LOC122539214: variants seen among roughly 807,000 people sequenced by gnomAD.
chr19:52,670,690 A>G, the LOC122539214 span, among the ~76,000 whole-genome samples: 11 of 152,208 alleles, frequency 7.2e-5, no homozygotes, highest in Non-Finnish European at 1.6e-4. Context: ...CATATGTCCA[A>G]GGTGATGGGG....
chr19:52,675,167 C>CTAA, the LOC122539214 span, among the ~76,000 whole-genome samples: 4 of 152,200 alleles, frequency 2.6e-5, no homozygotes, highest in Non-Finnish European at 2.9e-5. Context: ...TTGAAGCCAT[C>CTAA]TAATAGCATT....
chr19:52,666,912 G>C, the LOC122539214 span, among the ~76,000 whole-genome samples: 1 of 152,196 alleles, frequency 6.6e-6, no homozygotes, highest in African/African-American at 2.4e-5. Flanking sequence ...TGCAGAAGCA[G>C]AGTTAGGAAA....
At chr19:52,653,778 T>C in the LOC122539214 span, among the ~76,000 whole-genome samples, 1 of 152,236 alleles carries the variant, frequency 6.6e-6, no homozygotes, top group African/African-American at 2.4e-5. Flanking sequence ...ATGCAAGGTA[T>C]TGCTTTTGAT....
chr19:52,667,423 A>G, the LOC122539214 span, among the ~76,000 whole-genome samples: 3 of 152,158 alleles, frequency 2.0e-5, no homozygotes, highest in Non-Finnish European at 4.4e-5. Context: ...TATGCAAGAA[A>G]TGTCATATAA....
chr19:52,671,973 CT>C, the LOC122539214 span, among the ~76,000 whole-genome samples: 1 of 152,136 alleles, frequency 6.6e-6, no homozygotes, highest in Non-Finnish European at 1.5e-5. Context: ...TGACTCACAC[CT>C]GTAATCCCAG....
At chr19:52,685,568 G>A in the LOC122539214 span, among the ~76,000 whole-genome samples, 2 of 152,144 alleles carry the variant, frequency 1.3e-5, no homozygotes, top group African/African-American at 2.4e-5. Context: ...AAAGTCAGCT[G>A]TAGAACTAAG....
the LOC122539214 span, among the ~76,000 whole-genome samples, chr19:52,689,488 C>G: frequency 6.6e-6 from 1 of 152,122 alleles, no homozygotes; most frequent in Non-Finnish European, 1.5e-5. Flanking sequence ...GCTCTGTCTG[C>G]CCTGGCTCCA....
chr19:52,687,473 T>TA, the LOC122539214 span, among the ~76,000 whole-genome samples: 1 of 69,168 alleles, frequency 1.4e-5, no homozygotes, highest in Non-Finnish European at 2.7e-5. Context: ...ATAATTTATA[T>TA]ATCTATATAA....
chr19:52,665,361 C>A, the LOC122539214 span, among the ~76,000 whole-genome samples: 2 of 151,638 alleles, frequency 1.3e-5, no homozygotes, highest in Non-Finnish European at 2.9e-5. Flanking sequence ...CCAGCCTGGG[C>A]GACAAAGTAA....
At chr19:52,676,190 T>C in the LOC122539214 span, among the ~76,000 whole-genome samples, 205 of 152,282 alleles carry the variant, frequency 1.3e-3, no homozygotes, top group African/African-American at 2.5e-3. Context: ...GCTGTGTTGG[T>C]TGGGCTGGTC....
At chr19:52,655,725 G>C in the LOC122539214 span, 2 of 826,846 alleles carry the variant, frequency 2.4e-6, no homozygotes, top group Non-Finnish European at 4.1e-6. Flanking sequence ...ACATTAGGGA[G>C]GAGTCATTAC....
the LOC122539214 span, among the ~76,000 whole-genome samples, chr19:52,676,383 A>T: frequency 3.3e-5 from 5 of 152,172 alleles, no homozygotes. Flanking sequence ...CCGAGATTGC[A>T]GCCTCTGCCC....
At chr19:52,680,818 T>C in the LOC122539214 span, among the ~76,000 whole-genome samples, 1 of 149,864 alleles carries the variant, frequency 6.7e-6, no homozygotes, top group African/African-American at 2.5e-5. Context: ...TTCACCGTGT[T>C]AGCCAGGATG....
chr19:52,686,112 A>C, the LOC122539214 span, among the ~76,000 whole-genome samples: 5 of 152,306 alleles, frequency 3.3e-5, no homozygotes, highest in South Asian at 6.2e-4. Context: ...TTTGATGTTA[A>C]GGTAAAAGGT....
chr19:52,662,934 G>T, the LOC122539214 span, among the ~76,000 whole-genome samples: 9 of 152,102 alleles, frequency 5.9e-5, no homozygotes, highest in African/African-American at 1.9e-4. Flanking sequence ...AGGCTGACAG[G>T]GGTAGATCAC....
the LOC122539214 span, among the ~76,000 whole-genome samples, chr19:52,664,299 C>A: frequency 6.6e-6 from 1 of 151,648 alleles, no homozygotes; most frequent in Admixed American, 6.6e-5. Context: ...AGTTCGAGAC[C>A]AGCCTGGGCA....
chr19:52,681,707 A>C, the LOC122539214 span, among the ~76,000 whole-genome samples: 1 of 152,212 alleles, frequency 6.6e-6, no homozygotes, highest in African/African-American at 2.4e-5. Flanking sequence ...ACCTAAGTAA[A>C]AGATACAGCT....
chr19:52,660,705 C>T, the LOC122539214 span: 6 of 178,040 alleles, frequency 3.4e-5, no homozygotes, highest in African/African-American at 1.4e-4. Context: ...CTGCCTACTA[C>T]AATACCTGGT....
At chr19:52,666,575 C>T in the LOC122539214 span, among the ~76,000 whole-genome samples, 1 of 135,900 alleles carries the variant, frequency 7.4e-6, no homozygotes, top group African/African-American at 2.8e-5. Flanking sequence ...TTAGAGGAAA[C>T]CTCATTGTGA....
Sources: gnomAD v4.1 joint callset for allele counts (sites outside exome capture counted in the v4.1 genomes callset) on GRCh38, gnomAD v4.1.1 for gene constraint, MANE v1.5 for transcripts.